Variants in CADPS observed in about 807,000 individuals in gnomAD.
CADPS encodes the protein calcium-dependent secretion activator 1.
Under a neutral mutation model 167.3 loss-of-function variants are expected in CADPS, and 57 were observed. That is an observed-to-expected ratio of 0.34 (90% CI 0.28 to 0.42). CADPS has a LOEUF of 0.42. Ranked by LOEUF, CADPS falls within the 20% of genes least tolerant of loss-of-function variation. The probability of loss-of-function intolerance (pLI) is 1.00; values close to 1 mark genes in which losing one functional copy is unlikely to be tolerated. For missense variants in CADPS, 1,414 were observed against 1,738.1 expected (o/e 0.81, Z 3.32); for synonymous variants, 676 against 635.3 (o/e 1.06, Z -0.96).
intron 7 of CADPS, among the ~76,000 whole-genome samples, chr3:62,586,934 C>T (rs911223813): frequency 6.6e-6 from 1 of 152,208 alleles, no homozygotes; most frequent in Non-Finnish European, 1.5e-5. Flanking sequence ...TATTAGCTAT[C>T]TTTAAGGTAC....
In CADPS at chr3:62,399,024, G is replaced by A. The variant is rs531780928; in HGVS notation, c.*382C>T. 8.8e-5 allele frequency: 14 copies of A among 159,198 alleles called. No homozygotes were observed. The highest frequency in any genetic ancestry group is 1.4e-4 in the Non-Finnish European group (10 of 72,370). The allele number at this position is 159,198 out of a possible 1,614,324, so 9.9% of individuals were successfully genotyped here. On this transcript the variant is annotated 3_prime_UTR_variant, in exon 30 of 30. Coordinates refer to ENST00000383710, the MANE Select transcript of CADPS (RefSeq NM_003716.4). The surrounding 1 kb of genome is among the most constrained non-coding windows in gnomAD (Gnocchi z 5.6). The stretch of plus-strand genomic sequence containing the variant: ...ATTTAATTAACTGGCATCCACATAC[G>A]TGAAACAGAGTGAATGTACTTGATG...
intron 10 of CADPS, 61 bp from the exon 11 acceptor site, chr3:62,550,176 C>CA: frequency 7.1e-7 from 1 of 1,405,960 alleles, no homozygotes; most frequent in Non-Finnish European, 1.0e-6. Flanking sequence ...CAACTGGACT[C>CA]AGCCTTTGAA....
intron 21 of CADPS, among the ~76,000 whole-genome samples, chr3:62,482,975 C>CA (rs1359208631): frequency 1.3e-5 from 2 of 152,042 alleles, no homozygotes; most frequent in African/African-American, 4.8e-5. Context: ...ACAAAACCCC[C>CA]AACTTGAATC....
intron 3 of CADPS, among the ~76,000 whole-genome samples, chr3:62,697,026 C>T (rs2367320): frequency 6.6e-6 from 1 of 151,938 alleles, no homozygotes; most frequent in Admixed American, 6.5e-5. Flanking sequence ...CAAATATATC[C>T]GCTTTGGAGA....
At chr3:62,826,756 G>A (rs1160214182) in intron 1 of CADPS, among the ~76,000 whole-genome samples, 1 of 152,058 alleles carries the variant, frequency 6.6e-6, no homozygotes. Flanking sequence ...GGGTCTCCTT[G>A]CTCTGGTAAT....
At chr3:62,787,088 G>T (rs1023327085) in intron 1 of CADPS, among the ~76,000 whole-genome samples, 6 of 152,184 alleles carry the variant, frequency 3.9e-5, no homozygotes, top group Non-Finnish European at 7.3e-5. Context: ...GATCTCCGGA[G>T]TTAGAGACTA....
rs1374737609 is a variant in CADPS at position 62,875,163 on chromosome 3, C to T, written c.-134G>A. 2 of 1,190,106 alleles carry T rather than the reference C, an allele frequency of 1.7e-6. No individual in the cohort carries two copies. Among genetic ancestry groups the T allele is most frequent in the Non-Finnish European group, 1.1e-6 (1 of 935,780 alleles). The allele number at this position is 1,190,106 out of a possible 1,614,324, so 73.7% of individuals were successfully genotyped here. ...AGGTCAGGGAGCGAGAGCGCTGCTG[C>T]TCAGCCTCGGCCGCCGCGACTGATC... is the stretch of plus-strand genomic sequence containing the variant. On this transcript the variant is annotated 5_prime_UTR_variant, in exon 1 of 30. Transcript: ENST00000383710.
At chr3:62,521,860 G>C (rs899212833) in intron 13 of CADPS, among the ~76,000 whole-genome samples, 1 of 152,180 alleles carries the variant, frequency 6.6e-6, no homozygotes, top group African/African-American at 2.4e-5. Context: ...GGGCTTCCTA[G>C]AGGCCAGCCC....
intron 1 of CADPS, among the ~76,000 whole-genome samples, chr3:62,870,752 T>C (rs545237719): frequency 3.9e-4 from 59 of 152,318 alleles, no homozygotes; most frequent in African/African-American, 1.2e-3. Context: ...AAAATGGTCA[T>C]GTCAATCTAA....
chr3:62,424,789 A>C (rs1202227771), intron 28 of CADPS, among the ~76,000 whole-genome samples: 1 of 152,232 alleles, frequency 6.6e-6, no homozygotes, highest in East Asian at 1.9e-4. Flanking sequence ...AATTGCAAAA[A>C]TCCACAGTGA....
At chr3:62,561,706 C>T (rs1184536358) in intron 9 of CADPS, among the ~76,000 whole-genome samples, 1 of 152,154 alleles carries the variant, frequency 6.6e-6, no homozygotes, top group African/African-American at 2.4e-5. Context: ...AAAGGTTAGA[C>T]TTTTCTGTCC....
At chr3:62,583,189 T>TCTCTCTC in intron 8 of CADPS, among the ~76,000 whole-genome samples, 1 of 81,180 alleles carries the variant, frequency 1.2e-5, no homozygotes, top group Non-Finnish European at 3.0e-5. Flanking sequence ...CTCTCTCTCT[T>TCTCTCTC]TCTACGTCTG....
In CADPS at chr3:62,875,072, A is replaced by G. The variant is rs747414540; in HGVS notation, c.-43T>C. On this transcript the variant is annotated 5_prime_UTR_variant, in exon 1 of 30. Transcript: ENST00000383710. ...GGGGTCTCTGGAGCCCCCGGCTTGGAGTGCAAAAGGTGGGGGGCGCTGGAG... is the reference window on the plus strand; with the variant it reads ...GGGGTCTCTGGAGCCCCCGGCTTGGGGTGCAAAAGGTGGGGGGCGCTGGAG... 1.9e-6 allele frequency: 3 copies of G among 1,542,780 alleles called. No homozygotes were observed. In the South Asian group the frequency reaches 3.4e-5, roughly 18 times the overall value.
intron 6 of CADPS, among the ~76,000 whole-genome samples, chr3:62,595,800 C>A (rs144145764): frequency 4.6e-3 from 702 of 152,156 alleles, no homozygotes; most frequent in African/African-American, 0.015. Flanking sequence ...AGTCAGTGGG[C>A]TGGCAAAGGC....
At chr3:62,676,885 C>T (rs1357033721) in intron 3 of CADPS, among the ~76,000 whole-genome samples, 1 of 152,128 alleles carries the variant, frequency 6.6e-6, no homozygotes, top group Non-Finnish European at 1.5e-5. Context: ...CAAGATAGCG[C>T]CCTGGGTGAC....
intron 3 of CADPS, among the ~76,000 whole-genome samples, chr3:62,677,702 A>G (rs1247988783): frequency 1.3e-5 from 2 of 152,154 alleles, no homozygotes; most frequent in Non-Finnish European, 2.9e-5. Context: ...GGGGGCAAAG[A>G]GAATATTATT....
At chr3:62,722,966 G>A (rs1284170369) in intron 3 of CADPS, among the ~76,000 whole-genome samples, 1 of 152,110 alleles carries the variant, frequency 6.6e-6, no homozygotes, top group African/African-American at 2.4e-5. Flanking sequence ...GGGAGAGGAA[G>A]GTGGTGGTGT....
chr3:62,483,530 A>G (rs187808610), intron 21 of CADPS, among the ~76,000 whole-genome samples: 2 of 152,278 alleles, frequency 1.3e-5, no homozygotes, highest in South Asian at 2.1e-4. Context: ...AAAATTGTCT[A>G]CCTGGCATTC....
At chr3:62,407,833 A>T (rs1221086363) in intron 28 of CADPS, among the ~76,000 whole-genome samples, 1 of 152,116 alleles carries the variant, frequency 6.6e-6, no homozygotes, top group Non-Finnish European at 1.5e-5. Flanking sequence ...TCCCAGGTTC[A>T]AGTGATTCTC....
Sources: gnomAD v4.1 joint callset for allele counts (sites outside exome capture counted in the v4.1 genomes callset) on GRCh38, gnomAD v4.1.1 for gene constraint, Gnocchi (gnomAD v3.1) non-coding constraint, MANE v1.5 for transcripts, NCBI Gene and HGNC (gene_info 2026-07-23, HGNC 2026-07-21) for gene names.